The following TULP4 variants were observed in gnomAD, a reference collection of about 807,000 sequenced individuals.
TULP4 encodes the protein TUB like protein 4.
In TULP4, 16 loss-of-function variants were observed where a neutral mutation model predicts 129.0. That is an observed-to-expected ratio of 0.12 (90% CI 0.08 to 0.19). The LOEUF (loss-of-function observed/expected upper bound fraction) is 0.19, where lower values mean the gene tolerates loss of function less well. Ranked by LOEUF, TULP4 falls within the 10% of genes least tolerant of loss-of-function variation. The pLI is 1.00. For synonymous variants in TULP4, 998 were observed against 854.0 expected (o/e 1.17, Z -2.94); for missense variants, 1,842 against 2,059.1 (o/e 0.89, Z 2.04).
At chr6:158,483,261 A>G (rs764025687) in intron 8 of TULP4, among the ~76,000 whole-genome samples, 123 of 152,366 alleles carry the variant, frequency 8.1e-4, no homozygotes, top group Non-Finnish European at 1.3e-3. Context: ...TTGCACCTGA[A>G]TGGCATATAT....
rs534452852 is a variant in TULP4 at position 158,504,437 on chromosome 6, C to T, written c.4515+259C>T. Among the ~76,000 whole-genome samples, 21 of 151,928 alleles carry T rather than the reference C, an allele frequency of 1.4e-4. No individual in the cohort carries two copies. In the East Asian group the frequency reaches 3.9e-3, roughly 28 times the overall value. ...TCTTGGCTTCCTGCAAGCTACGCCT[C>T]CTGGGTTCACGCCATTCTCCCGCCT... On this transcript the variant is annotated intron_variant, in intron 13 of 13. Transcript: ENST00000367097.
rs1777927109 is a variant in TULP4, at chr6:158,241,963, A to C, written n.68+9660A>C. 1.1e-5 allele frequency: 10 copies of C among 875,976 alleles called. No individual in the cohort carries two copies. In the Admixed American group the frequency reaches 1.7e-4, roughly 15 times the overall value. The allele number at this position is 875,976 out of a possible 1,614,324, so 54.3% of individuals were successfully genotyped here. A position where few individuals can be genotyped will look rare whatever the true frequency, so the allele number is the denominator to read the frequency against. ...AAACTCTACTCTTTCCGCATTGGTT[A>C]ATTTCACTTTCTTCTTGGAGTCAAA... On this transcript the variant is annotated intron_variant and non_coding_transcript_variant, in intron 1 of 1. Coordinates refer to the TULP4 transcript ENST00000620026.
chr6:158,467,648 G>T (rs1488496881), intron 6 of TULP4, among the ~76,000 whole-genome samples: 2 of 152,180 alleles, frequency 1.3e-5, no homozygotes, highest in Non-Finnish European at 2.9e-5. Flanking sequence ...AGTCAGATCA[G>T]TAGCTTCTTA....
rs531637781 is a variant in TULP4, at chr6:158,450,299, C to T, written c.724+1123C>T. ...TCTAACCTTTCCTGCCATTGTGGGG[C>T]ATGTCGTCCTGTGAAGGGCTGTTCC... On this transcript the variant is annotated intron_variant, in intron 4 of 13. Coordinates refer to ENST00000367097, the MANE Select transcript of TULP4 (RefSeq NM_020245.5). 4.5e-4 allele frequency among the ~76,000 whole-genome samples: 68 copies of T among 152,280 alleles called. 1 individual carries two copies. Among genetic ancestry groups the T allele is most frequent in the African/African-American group, 1.6e-3 (67 of 41,566 alleles).
At chr6:158,426,800 C>T (rs553005948) in intron 2 of TULP4, among the ~76,000 whole-genome samples, 3 of 152,230 alleles carry the variant, frequency 2.0e-5, no homozygotes, top group Admixed American at 6.5e-5. Context: ...CATCTGTAAA[C>T]TGTTTTGGGT....
In TULP4 at chr6:158,502,578, G is replaced by C. The variant is rs146885905; in HGVS notation, c.2915G>C (p.Arg972Pro). 1.3e-5 allele frequency: 21 copies of C among 1,603,856 alleles called. No homozygotes were observed. Among genetic ancestry groups the C allele is most frequent in the Admixed American group, 3.3e-5 (2 of 59,984 alleles). ...ATTGCCAGCCAGCTGGCCCAGGGGC[G>C]GGGGGCTGCCCAGAGGTCCGACAAT... ...PEIASQLAQG[R>P]GAAQRSDNSL... is the part of the protein sequence containing the mutation. The change falls in exon 13 of 14, where the codon CGG becomes CCG. Residue 972 changes from arginine to proline, a missense_variant. Coordinates refer to ENST00000367097, the MANE Select transcript of TULP4 (RefSeq NM_020245.5).
At chr6:158,260,843 A>T (rs1459361978) in intron 1 of TULP4, among the ~76,000 whole-genome samples, 2 of 139,914 alleles carry the variant, frequency 1.4e-5, no homozygotes, top group African/African-American at 5.3e-5. Flanking sequence ...TTTTGAGACA[A>T]GAGTTTCGCT....
intron 6 of TULP4, among the ~76,000 whole-genome samples, chr6:158,467,623 CTT>C (rs1377503834): frequency 1.3e-5 from 2 of 152,310 alleles, no homozygotes; most frequent in Admixed American, 6.5e-5. Context: ...CAGCCACAGT[CTT>C]TGTAAAATCA....
chr6:158,477,810 T>C (rs1049002687), intron 6 of TULP4, among the ~76,000 whole-genome samples: 3 of 152,228 alleles, frequency 2.0e-5, no homozygotes, highest in Non-Finnish European at 4.4e-5. Context: ...TGCATGCATA[T>C]GTTCATTGCA....
chr6:158,376,208 C>T (rs184827792), intron 1 of TULP4, among the ~76,000 whole-genome samples: 11 of 152,186 alleles, frequency 7.2e-5, no homozygotes, highest in Admixed American at 7.2e-4. Context: ...AAGCGGTAAC[C>T]ATTTCTCTCT....
intron 1 of TULP4, among the ~76,000 whole-genome samples, chr6:158,258,425 A>G (rs1778288847): frequency 6.6e-6 from 1 of 152,206 alleles, no homozygotes; most frequent in Non-Finnish European, 1.5e-5. Context: ...GTGTCCAGAG[A>G]GAGACTATTT....
intron 1 of TULP4, among the ~76,000 whole-genome samples, chr6:158,241,359 C>T (rs904659016): frequency 7.4e-6 from 1 of 134,956 alleles, no homozygotes; most frequent in African/African-American, 2.5e-5. Context: ...CGGGCAGAGG[C>T]TGCAATCTCG....
chr6:158,285,650 C>A (rs989474218), intron 1 of TULP4, among the ~76,000 whole-genome samples: 1 of 152,160 alleles, frequency 6.6e-6, no homozygotes, highest in Non-Finnish European at 1.5e-5. Flanking sequence ...GTTGTAAGCA[C>A]ATGTATTAGG....
At chr6:158,378,107 A>C (rs928653639) in intron 1 of TULP4, among the ~76,000 whole-genome samples, 7 of 152,122 alleles carry the variant, frequency 4.6e-5, no homozygotes, top group African/African-American at 1.7e-4. Flanking sequence ...CTGGGAAAAC[A>C]CGGTTCTGAG....
At chr6:158,380,567 T>C (rs1777297025) in intron 1 of TULP4, among the ~76,000 whole-genome samples, 1 of 152,100 alleles carries the variant, frequency 6.6e-6, no homozygotes, top group Admixed American at 6.6e-5. Context: ...TTCTATTTAA[T>C]AAGAGCCCAG....
chr6:158,301,158 G>A (rs963910714), intron 1 of TULP4, among the ~76,000 whole-genome samples: 7 of 152,160 alleles, frequency 4.6e-5, no homozygotes, highest in African/African-American at 7.2e-5. Context: ...TACAACATAA[G>A]CAGAATCAGA....
rs192058761 is a variant in TULP4 at position 158,345,039 on chromosome 6, A to G, written c.252+30771A>G. Reference sequence around the variant, plus strand: ...AAGATCAAACAGCTCTAACATTTCTATTAGCCAAAGACTAATCCAAAGAAT... The same window carrying G: ...AAGATCAAACAGCTCTAACATTTCTGTTAGCCAAAGACTAATCCAAAGAAT... On this transcript the variant is annotated intron_variant, in intron 1 of 13. Transcript: ENST00000367097. 8.9e-4 allele frequency among the ~76,000 whole-genome samples: 136 copies of G among 152,380 alleles called. 1 individual carries two copies. The highest frequency in any genetic ancestry group is 6.8e-3 in the Middle Eastern group (2 of 294).
chr6:158,463,963 A>T (rs944273716), intron 6 of TULP4, among the ~76,000 whole-genome samples: 5 of 152,160 alleles, frequency 3.3e-5, no homozygotes, highest in African/African-American at 9.7e-5. Context: ...AAAACTCTTT[A>T]CCTATTAAAC....
At chr6:158,456,314 G>A (rs1382888581) in intron 5 of TULP4, among the ~76,000 whole-genome samples, 2 of 152,230 alleles carry the variant, frequency 1.3e-5, no homozygotes, top group Admixed American at 1.3e-4. Context: ...TGTCCAGCTT[G>A]CAGCCTGTGG....
Sources: allele counts gnomAD v4.1 joint callset (sites outside exome capture counted in the v4.1 genomes callset), GRCh38; gene constraint gnomAD v4.1.1; transcripts MANE v1.5; gene names NCBI Gene and HGNC (gene_info 2026-07-23, HGNC 2026-07-21).